The following SEPTIN7 variants were observed in gnomAD, a reference collection of about 807,000 sequenced individuals.
SEPTIN7 encodes the protein septin 7, also known as septin-7.
SEPTIN7 carries 10 observed loss-of-function variants against 63.3 expected under a neutral mutation model. The ratio of observed to expected loss-of-function variants is 0.16; its 90% CI spans 0.10 to 0.27. The LOEUF is 0.27. Among genes scored for constraint, SEPTIN7 ranks in the 10% least tolerant of loss-of-function variants. The pLI is 1.00. For missense variants in SEPTIN7, 310 were observed against 521.0 expected, an observed-to-expected ratio of 0.59 and a Z score of 3.94; for synonymous variants, 131 against 165.3, an observed-to-expected ratio of 0.79 and a Z score of 1.59.
At chr7:35,845,045 G>A (rs1784590207) in intron 3 of SEPTIN7, among the ~76,000 whole-genome samples, 1 of 152,088 alleles carries the variant, frequency 6.6e-6, no homozygotes, top group Non-Finnish European at 1.5e-5. Flanking sequence ...GCAACAGAGT[G>A]AGACCCCATT....
chr7:35,908,759 C>T (rs1788683911), downstream of SEPTIN7, among the ~76,000 whole-genome samples: 1 of 152,188 alleles, frequency 6.6e-6, no homozygotes, highest in South Asian at 2.1e-4. Flanking sequence ...AAGGGAGCAG[C>T]ATTTCACCGG....
At chr7:35,875,331 T>C (rs1003370126) in intron 6 of SEPTIN7, among the ~76,000 whole-genome samples, 32 of 152,090 alleles carry the variant, frequency 2.1e-4, no homozygotes, top group Admixed American at 8.5e-4. Context: ...AGTTTTGCCC[T>C]TTGGTACATG....
chr7:35,858,681 C>CTTTTT, intron 3 of SEPTIN7, among the ~76,000 whole-genome samples: 1 of 127,318 alleles, frequency 7.9e-6, no homozygotes, highest in South Asian at 2.5e-4. Context: ...TTTTCTTTTT[C>CTTTTT]TTTTTTTTTT....
intron 1 of SEPTIN7, 78 bp downstream of exon 1, chr7:35,801,348 G>A (rs1466238738): frequency 2.0e-6 from 3 of 1,490,298 alleles, no homozygotes; most frequent in Admixed American, 2.3e-5. Flanking sequence ...GCTGGACCGA[G>A]CTAGGGAACG....
chr7:35,887,595 C>T (rs1485928552), intron 10 of SEPTIN7, among the ~76,000 whole-genome samples: 3 of 152,224 alleles, frequency 2.0e-5, no homozygotes, highest in Non-Finnish European at 4.4e-5. Context: ...AAACCACCTG[C>T]CTCAGCCTCC....
At chr7:35,808,831 A>G (rs1274092066) in intron 1 of SEPTIN7, among the ~76,000 whole-genome samples, 2 of 152,220 alleles carry the variant, frequency 1.3e-5, no homozygotes, top group African/African-American at 4.8e-5. Flanking sequence ...GATTTGTTTA[A>G]CATGTCTGCC....
intron 12 of SEPTIN7, chr7:35,901,158 A>G (rs886826269): frequency 6.6e-6 from 1 of 152,210 alleles, no homozygotes. Flanking sequence ...GCACCAAGCA[A>G]CTTTCATTTA....
At chr7:35,893,539 C>T (rs114463744) in intron 11 of SEPTIN7, among the ~76,000 whole-genome samples, 2,242 of 152,166 alleles carry the variant, frequency 0.015, 49 homozygotes, top group African/African-American at 0.05. Context: ...GTAGGTTATA[C>T]TATCTAAGGT....
intron 1 of SEPTIN7, among the ~76,000 whole-genome samples, chr7:35,802,711 TGAAGGGGGGATATAAACAATGA>T (rs1788072529): frequency 1.3e-5 from 2 of 152,016 alleles, no homozygotes; most frequent in Non-Finnish European, 1.5e-5. Flanking sequence ...CCTGATAGAC[TGAAGGGGGGATATAAACAATGA>T]CCAAGTCAGC....
chr7:35,862,534 C>G (rs1445559339), intron 3 of SEPTIN7, among the ~76,000 whole-genome samples: 2 of 151,986 alleles, frequency 1.3e-5, no homozygotes, highest in Non-Finnish European at 2.9e-5. Flanking sequence ...TGTGGCCAAC[C>G]CATGTTACTT....
At chr7:35,880,223 C>CTTTTTTTTTTTTTTTT in intron 7 of SEPTIN7, among the ~76,000 whole-genome samples, 229 of 72,804 alleles carry the variant, frequency 3.1e-3, no homozygotes, top group African/African-American at 5.4e-3. Flanking sequence ...TTTTTCTTTT[C>CTTTTTTTTTTTTTTTT]TTTTTTTTTT....
At chr7:35,863,529 A>T (rs1484189601) in intron 3 of SEPTIN7, 23 bp from the exon 4 acceptor site, 1 of 1,436,520 alleles carries the variant, frequency 7.0e-7, no homozygotes, top group South Asian at 1.2e-5. Flanking sequence ...AGTTTAACAG[A>T]TATTTTCCCT....
intron 3 of SEPTIN7, among the ~76,000 whole-genome samples, chr7:35,838,290 T>C (rs181607129): frequency 2.6e-3 from 35 of 13,230 alleles, no homozygotes; most frequent in African/African-American, 8.4e-3. Flanking sequence ...CCTTCCTTCC[T>C]TCCTTCCTTC....
intron 6 of SEPTIN7, among the ~76,000 whole-genome samples, chr7:35,878,952 A>C (rs1361971488): frequency 6.6e-6 from 1 of 152,198 alleles, no homozygotes; most frequent in Non-Finnish European, 1.5e-5. Context: ...TGTAGTCATA[A>C]TAATTGTACT....
chr7:35,845,652 G>A (rs568649518), intron 3 of SEPTIN7, among the ~76,000 whole-genome samples: 11 of 152,190 alleles, frequency 7.2e-5, no homozygotes, highest in African/African-American at 2.6e-4. Flanking sequence ...GGTAAATATC[G>A]TGCTCAAGTT....
At chr7:35,809,196 G>A (rs1288113550) in intron 1 of SEPTIN7, among the ~76,000 whole-genome samples, 1 of 152,194 alleles carries the variant, frequency 6.6e-6, no homozygotes, top group Non-Finnish European at 1.5e-5. Context: ...TGTGGCAGTT[G>A]AAATAGAGGC....
intron 3 of SEPTIN7, among the ~76,000 whole-genome samples, chr7:35,850,209 T>A (rs933482528): frequency 1.3e-5 from 2 of 152,208 alleles, no homozygotes; most frequent in Non-Finnish European, 2.9e-5. Context: ...GAACTATAGT[T>A]TGTTGCTGTC....
intron 3 of SEPTIN7, among the ~76,000 whole-genome samples, chr7:35,852,006 T>G (rs1309027515): frequency 1.3e-5 from 2 of 152,196 alleles, no homozygotes; most frequent in Non-Finnish European, 2.9e-5. Context: ...GTTTATTCCC[T>G]TCTTAAGGCT....
intron 3 of SEPTIN7, among the ~76,000 whole-genome samples, chr7:35,857,150 A>G (rs761538135): frequency 5.3e-5 from 8 of 152,216 alleles, no homozygotes; most frequent in African/African-American, 1.9e-4. Flanking sequence ...ACACTTATCA[A>G]TCTGTTAAGA....
Sources: gnomAD v4.1 joint callset for allele counts (sites outside exome capture counted in the v4.1 genomes callset) on GRCh38, gnomAD v4.1.1 for gene constraint, MANE v1.5 for transcripts, NCBI Gene and HGNC (gene_info 2026-07-23, HGNC 2026-07-21) for gene names.